Variants in CNTNAP2 observed in about 807,000 individuals in gnomAD.
The protein encoded by CNTNAP2 is contactin associated protein 2.
A neutral mutation model predicts 155.2 loss-of-function variants in CNTNAP2; 98 were observed. That is an observed-to-expected ratio of 0.63 (90% CI 0.54 to 0.75). The LOEUF (loss-of-function observed/expected upper bound fraction) is 0.75. Ranked by LOEUF, CNTNAP2 falls within the 30% of genes least tolerant of loss-of-function variation. The pLI is 0.00. For missense variants in CNTNAP2, 1,727 were observed against 1,688.1 expected (o/e 1.02, Z -0.40); for synonymous variants, 651 against 631.2 (o/e 1.03, Z -0.47).
chr7:147,315,720 C>T (rs926959959), intron 9 of CNTNAP2, among the ~76,000 whole-genome samples: 1 of 152,046 alleles, frequency 6.6e-6, no homozygotes, highest in Non-Finnish European at 1.5e-5. Flanking sequence ...GACCTCTGAT[C>T]CACCCGCCTC....
intron 8 of CNTNAP2, among the ~76,000 whole-genome samples, chr7:147,169,651 G>A (rs1266642556): frequency 2.8e-5 from 4 of 140,840 alleles, no homozygotes; most frequent in Non-Finnish European, 6.2e-5. Flanking sequence ...AGGAAAGAAG[G>A]AAGGGAGGGA....
intron 18 of CNTNAP2, among the ~76,000 whole-genome samples, chr7:148,182,903 C>T (rs1241301197): frequency 6.6e-6 from 1 of 152,166 alleles, no homozygotes; most frequent in Non-Finnish European, 1.5e-5. Context: ...TATAAGGTGG[C>T]TTTTACAGTA....
intron 8 of CNTNAP2, among the ~76,000 whole-genome samples, chr7:147,279,465 A>G (rs1025333392): frequency 6.6e-6 from 1 of 151,814 alleles, no homozygotes; most frequent in African/African-American, 2.4e-5. Context: ...GTTTATGCCA[A>G]TAGGACCTAA....
intron 14 of CNTNAP2, among the ~76,000 whole-genome samples, chr7:147,928,273 T>C (rs554464990): frequency 2.7e-4 from 41 of 152,216 alleles, no homozygotes; most frequent in Middle Eastern, 3.4e-3. Flanking sequence ...CCTAATATAC[T>C]TGGGAAAATT....
chr7:146,557,527 T>C (rs1798215116), intron 1 of CNTNAP2, among the ~76,000 whole-genome samples: 1 of 152,068 alleles, frequency 6.6e-6, no homozygotes, highest in African/African-American at 2.4e-5. Context: ...ATGTATAGAA[T>C]TAAAGACTTT....
chr7:146,786,453 C>A (rs919457230), intron 2 of CNTNAP2, among the ~76,000 whole-genome samples: 5 of 151,986 alleles, frequency 3.3e-5, no homozygotes, highest in Non-Finnish European at 7.4e-5. Context: ...TATATGCATG[C>A]CTTGCAAAAG....
chr7:146,595,689 A>G (rs900899516), intron 1 of CNTNAP2, among the ~76,000 whole-genome samples: 1 of 152,078 alleles, frequency 6.6e-6, no homozygotes, highest in Non-Finnish European at 1.5e-5. Context: ...AACATCAAAG[A>G]CATCCAAAAT....
At chr7:146,756,540 A>G (rs751041690) in intron 1 of CNTNAP2, among the ~76,000 whole-genome samples, 1 of 151,992 alleles carries the variant, frequency 6.6e-6, no homozygotes, top group African/African-American at 2.4e-5. Flanking sequence ...GATGTTTATT[A>G]TCTGCGCCAG....
At chr7:147,765,711 C>T (rs1797372528) in intron 13 of CNTNAP2, among the ~76,000 whole-genome samples, 1 of 152,100 alleles carries the variant, frequency 6.6e-6, no homozygotes, top group African/African-American at 2.4e-5. Flanking sequence ...CATTATGATA[C>T]ATCTATTTTA....
intron 15 of CNTNAP2, among the ~76,000 whole-genome samples, chr7:148,112,495 A>C (rs1563203156): frequency 6.6e-6 from 1 of 151,868 alleles, no homozygotes; most frequent in Non-Finnish European, 1.5e-5. Flanking sequence ...ATCACAATTC[A>C]CTGCAACCTC....
chr7:147,867,618 C>A (rs1200745233), intron 13 of CNTNAP2, among the ~76,000 whole-genome samples: 1 of 152,144 alleles, frequency 6.6e-6, no homozygotes, highest in Non-Finnish European at 1.5e-5. Flanking sequence ...TTCACATAGT[C>A]CCATGTTTCT....
chr7:148,330,673 A>G, intron 21 of CNTNAP2, among the ~76,000 whole-genome samples: 4 of 110,524 alleles, frequency 3.6e-5, no homozygotes, highest in African/African-American at 7.7e-5. Flanking sequence ...GGATGGATGG[A>G]GTAGATGGAG....
chr7:146,721,075 CTA>C (rs1159903594), intron 1 of CNTNAP2, among the ~76,000 whole-genome samples: 1 of 132,918 alleles, frequency 7.5e-6, no homozygotes, highest in Admixed American at 7.9e-5. Flanking sequence ...TATATATACT[CTA>C]TATATATACT....
At chr7:147,784,758 C>T (rs924775171) in intron 13 of CNTNAP2, among the ~76,000 whole-genome samples, 1 of 150,924 alleles carries the variant, frequency 6.6e-6, no homozygotes, top group Non-Finnish European at 1.5e-5. Context: ...CTGATAAAAG[C>T]CAGGCTTAAG....
At chr7:146,234,953 T>C (rs1022856202) in intron 1 of CNTNAP2, among the ~76,000 whole-genome samples, 1 of 152,174 alleles carries the variant, frequency 6.6e-6, no homozygotes, top group African/African-American at 2.4e-5. Context: ...TTTTATTTAT[T>C]CCTTGGAGAG....
At chr7:147,120,639 A>G (rs1352899991) in intron 5 of CNTNAP2, among the ~76,000 whole-genome samples, 1 of 148,284 alleles carries the variant, frequency 6.7e-6, no homozygotes, top group Admixed American at 6.7e-5. Flanking sequence ...TTTTTCATTT[A>G]TTATTATTAT....
At chr7:147,440,437 A>G (rs1045623461) in intron 10 of CNTNAP2, among the ~76,000 whole-genome samples, 1 of 152,068 alleles carries the variant, frequency 6.6e-6, no homozygotes, top group African/African-American at 2.4e-5. Flanking sequence ...TGTCTTCAAA[A>G]GTAGTTGTAG....
Position 146,814,481 on chromosome 7 carries a change from A to G in CNTNAP2, c.209-25230A>G, listed in dbSNP as rs1227065708. On this transcript the variant is annotated intron_variant, in intron 2 of 23. Coordinates refer to ENST00000361727, the MANE Select transcript of CNTNAP2 (RefSeq NM_014141.6). ...ACAATAATATAGAGAACCTTTTGGC[A>G]TGGTTGTCTAAATAAGAGAATAGAT... Among the ~76,000 whole-genome samples the G allele has an allele frequency of 2.0e-5, 3 of 152,218 alleles. No individual in the cohort carries two copies. The East Asian group carries it at 5.8e-4, about 29-fold the overall frequency.
chr7:147,993,997 T>G (rs1801760244), intron 15 of CNTNAP2, among the ~76,000 whole-genome samples: 1 of 152,090 alleles, frequency 6.6e-6, no homozygotes, highest in African/African-American at 2.4e-5. Flanking sequence ...AGATTTGCCC[T>G]CCTTTCTGGC....
Sources: allele counts gnomAD v4.1 joint callset (sites outside exome capture counted in the v4.1 genomes callset), GRCh38; gene constraint gnomAD v4.1.1; transcripts MANE v1.5; gene names NCBI Gene and HGNC (gene_info 2026-07-23, HGNC 2026-07-21).